ADCY2: variants seen among roughly 807,000 people sequenced by gnomAD.
The protein encoded by ADCY2 is adenylate cyclase type 2.
Under a neutral mutation model 125.2 loss-of-function variants are expected in ADCY2, and 31 were observed. That is an observed-to-expected ratio of 0.25 (90% CI 0.19 to 0.33). The LOEUF (loss-of-function observed/expected upper bound fraction) is 0.33. Among genes scored for constraint, ADCY2 ranks in the 10% least tolerant of loss-of-function variants. The pLI is 1.00. For synonymous variants in ADCY2, 512 were observed against 548.4 expected, an observed-to-expected ratio of 0.93 and a Z score of 0.93; for missense variants, 904 against 1,418.2, an observed-to-expected ratio of 0.64 and a Z score of 5.82.
intron 3 of ADCY2, among the ~76,000 whole-genome samples, chr5:7,612,941 G>A (rs554443795): frequency 2.6e-5 from 4 of 152,178 alleles, no homozygotes; most frequent in Admixed American, 6.5e-5. Flanking sequence ...GCGTGAACCC[G>A]GGAGGCGGAG....
At chr5:7,619,456 G>C (rs1348020824) in intron 3 of ADCY2, among the ~76,000 whole-genome samples, 1 of 152,188 alleles carries the variant, frequency 6.6e-6, no homozygotes, top group Non-Finnish European at 1.5e-5. Flanking sequence ...TGGTGGTAGT[G>C]ATTCTCTCTG....
At chr5:7,509,532 A>G (rs376932035) in intron 2 of ADCY2, among the ~76,000 whole-genome samples, 14 of 152,164 alleles carry the variant, frequency 9.2e-5, no homozygotes, top group African/African-American at 3.4e-4. Flanking sequence ...TTAAATTTTA[A>G]AAAGCACAGT....
At chr5:7,423,144 T>C (rs1740272733) in intron 2 of ADCY2, among the ~76,000 whole-genome samples, 1 of 152,086 alleles carries the variant, frequency 6.6e-6, no homozygotes, top group Admixed American at 6.5e-5. Flanking sequence ...GGAGGATATG[T>C]TTTTGTTGTT....
chr5:7,753,871 T>C (rs1410536841), intron 15 of ADCY2, among the ~76,000 whole-genome samples: 1 of 152,182 alleles, frequency 6.6e-6, no homozygotes, highest in Non-Finnish European at 1.5e-5. Context: ...TGCCTACCAA[T>C]TTTTACACTT....
At chr5:7,469,646 T>G (rs1742262611) in intron 2 of ADCY2, among the ~76,000 whole-genome samples, 1 of 151,848 alleles carries the variant, frequency 6.6e-6, no homozygotes, top group African/African-American at 2.4e-5. Context: ...TTCTGATGTT[T>G]GACATTTCAA....
chr5:7,448,174 T>C (rs1442166520), intron 2 of ADCY2, among the ~76,000 whole-genome samples: 1 of 152,184 alleles, frequency 6.6e-6, no homozygotes, highest in African/African-American at 2.4e-5. Flanking sequence ...TCTTTCTGGT[T>C]ATTGCTTCCC....
At chr5:7,639,836 A>C (rs1428529) in intron 4 of ADCY2, among the ~76,000 whole-genome samples, 6,896 of 152,272 alleles carry the variant, frequency 0.045, 215 homozygotes, top group Middle Eastern at 0.095. Flanking sequence ...CCAGGCCTGT[A>C]TTCCTCTAGT....
chr5:7,673,286 A>ATATATATAT (rs58505229), intron 4 of ADCY2, among the ~76,000 whole-genome samples: 4 of 53,860 alleles, frequency 7.4e-5, no homozygotes, highest in Non-Finnish European at 1.1e-4. Context: ...ATATATATAT[A>ATATATATAT]AAATTAGCCA....
intron 3 of ADCY2, among the ~76,000 whole-genome samples, chr5:7,535,166 G>A (rs1176735337): frequency 1.3e-5 from 2 of 152,154 alleles, no homozygotes; most frequent in Admixed American, 1.3e-4. Context: ...TCAGCCTCCT[G>A]AGTAGCTGGG....
At chr5:7,526,991 T>A (rs527613981) in intron 3 of ADCY2, among the ~76,000 whole-genome samples, 8 of 152,190 alleles carry the variant, frequency 5.3e-5, no homozygotes, top group Non-Finnish European at 1.2e-4. Flanking sequence ...AAATAAAAAT[T>A]TTACTTATAT....
At chr5:7,428,343 C>G (rs1740464057) in intron 2 of ADCY2, among the ~76,000 whole-genome samples, 1 of 152,284 alleles carries the variant, frequency 6.6e-6, no homozygotes, top group East Asian at 1.9e-4. Flanking sequence ...GGCTGCTTAT[C>G]TTTGTTAGGG....
intron 16 of ADCY2, among the ~76,000 whole-genome samples, chr5:7,763,033 T>G (rs1401092591): frequency 7.2e-6 from 1 of 139,336 alleles, no homozygotes; most frequent in African/African-American, 2.6e-5. Flanking sequence ...GGAAGAGTGC[T>G]TTCATTTTCT....
At chr5:7,616,105 G>A (rs949214116) in intron 3 of ADCY2, among the ~76,000 whole-genome samples, 1 of 152,056 alleles carries the variant, frequency 6.6e-6, no homozygotes, top group Non-Finnish European at 1.5e-5. Flanking sequence ...ATTTCGTTTA[G>A]TCTAGTAACA....
At chr5:7,595,116 A>T (rs911252912) in intron 3 of ADCY2, among the ~76,000 whole-genome samples, 1 of 152,174 alleles carries the variant, frequency 6.6e-6, no homozygotes, top group Non-Finnish European at 1.5e-5. Flanking sequence ...GCTAATTATA[A>T]TTATTCCCTT....
chr5:7,730,871 T>G (rs936951420), intron 14 of ADCY2, among the ~76,000 whole-genome samples: 19 of 152,142 alleles, frequency 1.2e-4, no homozygotes, highest in African/African-American at 4.1e-4. Flanking sequence ...CATAAGTGTA[T>G]TTGTTTTCAT....
At chr5:7,440,193 A>T (rs1223635590) in intron 2 of ADCY2, among the ~76,000 whole-genome samples, 2 of 152,182 alleles carry the variant, frequency 1.3e-5, no homozygotes, top group African/African-American at 4.8e-5. Context: ...AATAGAGTGG[A>T]CATCTATCCA....
chr5:7,701,101 T>A (rs142666700), intron 7 of ADCY2, among the ~76,000 whole-genome samples: 2,112 of 151,768 alleles, frequency 0.014, 32 homozygotes, highest in South Asian at 0.04. Context: ...AAAAATATAT[T>A]TTTTTTTTCA....
At chr5:7,684,137 T>A (rs1225143068) in intron 4 of ADCY2, among the ~76,000 whole-genome samples, 1 of 152,266 alleles carries the variant, frequency 6.6e-6, no homozygotes, top group Non-Finnish European at 1.5e-5. Flanking sequence ...TTGGCTCCCC[T>A]GTGGAGCATT....
At chr5:7,497,853 G>A (rs990220343) in intron 2 of ADCY2, among the ~76,000 whole-genome samples, 3 of 152,122 alleles carry the variant, frequency 2.0e-5, no homozygotes, top group Non-Finnish European at 4.4e-5. Context: ...ACTTTCAGTA[G>A]CACCAGACTG....
Sources: gnomAD v4.1 joint callset for allele counts (sites outside exome capture counted in the v4.1 genomes callset) on GRCh38, gnomAD v4.1.1 for gene constraint, MANE v1.5 for transcripts, NCBI Gene and HGNC (gene_info 2026-07-23, HGNC 2026-07-21) for gene names.